TOB2: variants seen among roughly 807,000 people sequenced by gnomAD.
The protein encoded by TOB2 is transducer of ERBB2, 2.
In TOB2, 3 loss-of-function variants were observed where a neutral mutation model predicts 17.3. The ratio of observed to expected loss-of-function variants is 0.17; its 90% CI spans 0.08 to 0.45. The LOEUF (loss-of-function observed/expected upper bound fraction) is 0.45. TOB2 is among the 20% of genes least tolerant of loss of function. The probability of loss-of-function intolerance (pLI) is 0.99; values close to 1 mark genes in which losing one functional copy is unlikely to be tolerated. For synonymous variants in TOB2, 163 were observed against 185.6 expected (o/e 0.88, Z 0.99); for missense variants, 407 against 445.7 (o/e 0.91, Z 0.78).
chr22:41,440,352 C>T (rs1229829299), intron 1 of TOB2, among the ~76,000 whole-genome samples: 1 of 151,030 alleles, frequency 6.6e-6, no homozygotes, highest in African/African-American at 2.4e-5. Context: ...CTGCTGACTT[C>T]GTGATCCACC....
chr22:41,439,589 C>G lies in TOB2; in HGVS notation c.-62-2182G>C, dbSNP rs140025561. On this transcript the variant is annotated intron_variant, in intron 1 of 1. Transcript: ENST00000327492. The stretch of plus-strand genomic sequence containing the variant: ...GGACTGCAGTGGCGTGATCTTGGCT[C>G]ACTGCAACCTCCACCTCCCAGGTTC... Among the ~76,000 whole-genome samples the G allele has an allele frequency of 2.6e-5, 4 of 152,206 alleles. No homozygotes were observed. The East Asian group carries it at 7.7e-4, about 29-fold the overall frequency.
Position 41,434,173 on chromosome 22 carries a change from A to C in TOB2, c.*2138T>G, listed in dbSNP as rs1216078104. ...TCTTAAAAAAAATAAAATTGAAGCAAAAATGCCTAGATTTGAGACAAGACA... is the reference window on the plus strand; with the variant it reads ...TCTTAAAAAAAATAAAATTGAAGCACAAATGCCTAGATTTGAGACAAGACA... On this transcript the variant is annotated 3_prime_UTR_variant, in exon 2 of 2. Transcript: ENST00000327492. 6.3e-6 allele frequency: 1 copy of C among 158,248 alleles called. No individual in the cohort carries two copies. The highest frequency in any genetic ancestry group is 2.4e-5 in the African/African-American group (1 of 41,472). The allele number at this position is 158,248 out of a possible 1,614,324, so 9.8% of individuals were successfully genotyped here.
At position 41,436,991 on chromosome 22, in the gene TOB2, C is replaced by G. The variant is rs763603442; in HGVS notation, c.355G>C (p.Gly119Arg). 1 of 1,614,136 alleles carries G rather than the reference C, an allele frequency of 6.2e-7. No individual in the cohort carries two copies. Among genetic ancestry groups the G allele is most frequent in the Non-Finnish European group, 8.5e-7 (1 of 1,180,030 alleles). The change falls in exon 2 of 2, where the codon GGT becomes CGT. Residue 119 changes from glycine (G) to arginine (R), a missense_variant. Physicochemically the swap from Gly to Arg is moderately radical, Grantham distance 125 (BLOSUM62 -2). Transcript: ENST00000327492. The surrounding 1 kb of genome is among the most constrained non-coding windows in gnomAD (Gnocchi z 4.8). ...TTGTCCAGCTCTGGGGCACCGCAAC[C>G]CTCACTGTCATCCAGGTACAGCACT... Reference protein sequence around the residue: ...VKVLYLDDSEGCGAPELDKEI... With the variant: ...VKVLYLDDSERCGAPELDKEI...
chr22:41,444,608 G>A (rs771679454), intron 1 of TOB2, among the ~76,000 whole-genome samples: 1 of 152,262 alleles, frequency 6.6e-6, no homozygotes. Flanking sequence ...AGCCGACCGA[G>A]GGTCGAAGAG....
chr22:41,437,201 G>A lies in TOB2; in HGVS notation c.145C>T (p.Pro49Ser). The A allele has an allele frequency of 1.2e-6, 2 of 1,614,162 alleles. No homozygotes were observed. Among genetic ancestry groups the A allele is most frequent in the Non-Finnish European group, 1.7e-6 (2 of 1,180,028 alleles). ...CAGCGGAAGCCAGAGCCTTTCAGTGGCTTCTCAGGGTACCAGTGGCCTTCA... is the reference window on the plus strand; with the variant it reads ...CAGCGGAAGCCAGAGCCTTTCAGTGACTTCTCAGGGTACCAGTGGCCTTCA... ...KYEGHWYPEK[P>S]LKGSGFRCVH... The change falls in exon 2 of 2, where the codon CCA becomes TCA. Residue 49 changes from proline (P) to serine (S), a missense_variant. Transcript: ENST00000327492.
intron 1 of TOB2, among the ~76,000 whole-genome samples, chr22:41,445,212 A>G (rs531681723): frequency 2.0e-5 from 3 of 152,128 alleles, no homozygotes; most frequent in Non-Finnish European, 4.4e-5. Context: ...AAAACTGTAC[A>G]CCTGACACCT....
In TOB2 at chr22:41,436,836, G is replaced by A. The variant is rs139942053; in HGVS notation, c.510C>T (p.Ser170=). 1.7e-5 allele frequency: 27 copies of A among 1,613,976 alleles called. No homozygotes were observed. Among genetic ancestry groups the A allele is most frequent in the Admixed American group, 8.3e-5 (5 of 59,998 alleles). ...QSPSPTFIPR[S]AQPITFTTAS... ...CGGTGGTGAAGGTGATGGGCTGAGCGGAGCGGGGAATGAAGGTAGGGCTGG... is the reference window on the plus strand; with the variant it reads ...CGGTGGTGAAGGTGATGGGCTGAGCAGAGCGGGGAATGAAGGTAGGGCTGG... The change falls in exon 2 of 2, where the codon TCC becomes TCT. Residue 170 remains serine (S), a synonymous_variant. Transcript: ENST00000327492. This position sits in a 1 kb window ranked among gnomAD's most constrained non-coding sequence, Gnocchi z 4.8.
In TOB2 at chr22:41,436,138, T is replaced by C. The variant is rs1022212021; in HGVS notation, c.*173A>G. On this transcript the variant is annotated 3_prime_UTR_variant, in exon 2 of 2. Coordinates refer to ENST00000327492, the MANE Select transcript of TOB2 (RefSeq NM_016272.4). This position sits in a 1 kb window ranked among gnomAD's most constrained non-coding sequence, Gnocchi z 4.8. The stretch of plus-strand genomic sequence containing the variant: ...CGGTAAGGGGTGAGTGAAACACACT[T>C]GGGTGCTTTGCAGGGCCCTCCCATT... The C allele has an allele frequency of 2.5e-5, 19 of 760,808 alleles. No individual in the cohort carries two copies. Among genetic ancestry groups the C allele is most frequent in the Non-Finnish European group, 3.7e-5 (19 of 514,964 alleles). The allele number at this position is 760,808 out of a possible 1,614,324, so 47.1% of individuals were successfully genotyped here. A position where few individuals can be genotyped will look rare whatever the true frequency, so the allele number is the denominator to read the frequency against.
chr22:41,443,859 G>A (rs931568499), intron 1 of TOB2, among the ~76,000 whole-genome samples: 2 of 148,964 alleles, frequency 1.3e-5, no homozygotes, highest in Non-Finnish European at 3.0e-5. Context: ...CCGACCTCAG[G>A]TTATCCGCTG....
At chr22:41,441,537 G>C (rs202650) in intron 1 of TOB2, among the ~76,000 whole-genome samples, 113,582 of 151,892 alleles carry the variant, frequency 0.75, 43,074 homozygotes, top group East Asian at 0.95. Flanking sequence ...CCAGCACTTC[G>C]GGAGGCCAAG....
chr22:41,443,442 C>T (rs1413411786), intron 1 of TOB2, among the ~76,000 whole-genome samples: 2 of 151,948 alleles, frequency 1.3e-5, no homozygotes, highest in African/African-American at 4.8e-5. Flanking sequence ...GCCTCAGCCT[C>T]CCGAGTAGCT....
intron 1 of TOB2, 54 bp from the exon 2 acceptor site, chr22:41,437,461 CA>C: frequency 6.7e-7 from 1 of 1,500,854 alleles, no homozygotes; most frequent in Non-Finnish European, 8.8e-7. Flanking sequence ...TGGTGACCAA[CA>C]GCTAGGGATA....
intron 1 of TOB2, among the ~76,000 whole-genome samples, chr22:41,446,057 A>G (rs2037682826): frequency 1.3e-5 from 2 of 152,162 alleles, no homozygotes; most frequent in Non-Finnish European, 1.5e-5. Flanking sequence ...AGGAAGATCT[A>G]GCGAGTAGCT....
At chr22:41,443,389 G>C (rs189579891) in intron 1 of TOB2, among the ~76,000 whole-genome samples, 30 of 152,204 alleles carry the variant, frequency 2.0e-4, no homozygotes, top group Admixed American at 1.7e-3. Flanking sequence ...GCGCCATCTT[G>C]GCTCACTGCA....
intron 1 of TOB2, 85 bp downstream of exon 1, chr22:41,446,294 G>C (rs1014948704): frequency 6.5e-6 from 1 of 152,850 alleles, no homozygotes. Flanking sequence ...CCAGCAAAGC[G>C]GGAGTGGGGC....
rs1353886732 is a variant in TOB2 at position 41,435,956 on chromosome 22, G to A, written c.*355C>T. ...TAAACTAGGAGTGTGAAGGAGGAAG[G>A]GAGGAGCAGGGAGCAGCAGTTCACA... On this transcript the variant is annotated 3_prime_UTR_variant, in exon 2 of 2. Coordinates refer to ENST00000327492, the MANE Select transcript of TOB2 (RefSeq NM_016272.4). 5.8e-6 allele frequency: 1 copy of A among 173,464 alleles called. No homozygotes were observed. Among genetic ancestry groups the A allele is most frequent in the Non-Finnish European group, 1.2e-5 (1 of 81,526 alleles). 10.7% of individuals were successfully genotyped at this position (173,464 alleles called of 1,614,324 possible). A position where few individuals can be genotyped will look rare whatever the true frequency, so the allele number is the denominator to read the frequency against.
chr22:41,446,194 G>A (rs2146043906), intron 1 of TOB2, among the ~76,000 whole-genome samples, 185 bp downstream of exon 1: 1 of 152,334 alleles, frequency 6.6e-6, no homozygotes, highest in Admixed American at 6.5e-5. Context: ...CGTGAGAAGA[G>A]GAGCTGGGGA....
intron 1 of TOB2, among the ~76,000 whole-genome samples, chr22:41,443,968 G>C (rs1049266632): frequency 1.3e-5 from 2 of 152,202 alleles, no homozygotes; most frequent in African/African-American, 4.8e-5. Context: ...AAGAGGAAAA[G>C]GAGGGATAAT....
chr22:41,443,811 CG>C (rs1287613985), intron 1 of TOB2, among the ~76,000 whole-genome samples: 1 of 151,680 alleles, frequency 6.6e-6, no homozygotes, highest in Non-Finnish European at 1.5e-5. Context: ...TTAGCAGAGA[CG>C]GGGTTTCTCC....
Sources: allele counts gnomAD v4.1 joint callset (sites outside exome capture counted in the v4.1 genomes callset), GRCh38; gene constraint gnomAD v4.1.1; non-coding constraint Gnocchi (gnomAD v3.1); transcripts MANE v1.5; gene names NCBI Gene and HGNC (gene_info 2026-07-23, HGNC 2026-07-21).